The following LUZP2 variants were observed in gnomAD, a reference collection of about 807,000 sequenced individuals.
LUZP2 encodes leucine zipper protein 2.
LUZP2 carries 52 observed loss-of-function variants against 51.6 expected under a neutral mutation model. The ratio of observed to expected loss-of-function variants is 1.01; its 90% CI spans 0.81 to 1.27. LUZP2 has a LOEUF of 1.27. Among genes scored for constraint, LUZP2 ranks in the 50% most tolerant of loss-of-function variants. LUZP2 has a pLI of 0.00. For synonymous variants in LUZP2, 154 were observed against 137.3 expected (o/e 1.12, Z -0.85); for missense variants, 436 against 395.4 (o/e 1.10, Z -0.87).
At chr11:24,948,236 G>T (rs914185601) in intron 7 of LUZP2, among the ~76,000 whole-genome samples, 3 of 150,112 alleles carry the variant, frequency 2.0e-5, no homozygotes, top group East Asian at 2.0e-4. Flanking sequence ...TTTGTTTATT[G>T]TACTTTTAAC....
At chr11:24,582,704 C>T (rs919436131) in intron 1 of LUZP2, among the ~76,000 whole-genome samples, 1 of 152,052 alleles carries the variant, frequency 6.6e-6, no homozygotes, top group Non-Finnish European at 1.5e-5. Flanking sequence ...TCACTCATCA[C>T]ATAGGTCTAG....
intron 5 of LUZP2, chr11:24,893,003 T>A (rs907776717): frequency 7.2e-5 from 11 of 152,330 alleles, no homozygotes; most frequent in Middle Eastern, 3.4e-3. Flanking sequence ...ATATTTATAA[T>A]TGTTTTTCCT....
Position 24,745,986 on chromosome 11 carries a change from T to C in LUZP2, c.333+7684T>C, listed in dbSNP as rs149124308. Among the ~76,000 whole-genome samples, 58 of 152,280 alleles carry C rather than the reference T, an allele frequency of 3.8e-4. No individual in the cohort carries two copies. The East Asian group carries it at 6.0e-3, about 16-fold the overall frequency. ...AGCTACTGTGCCCAGTCAGTTCTTA[T>C]CCATTCTGCAGTTCGGTATCTTTTA... On this transcript the variant is annotated intron_variant, in intron 4 of 11. Coordinates refer to ENST00000336930, the MANE Select transcript of LUZP2 (RefSeq NM_001009909.4).
At chr11:24,913,135 AT>A (rs958550272) in intron 6 of LUZP2, among the ~76,000 whole-genome samples, 2 of 152,098 alleles carry the variant, frequency 1.3e-5, no homozygotes, top group African/African-American at 2.4e-5. Flanking sequence ...AAAACATAGA[AT>A]TTTTTCATTA....
intron 1 of LUZP2, among the ~76,000 whole-genome samples, chr11:24,595,013 G>C (rs1179232306): frequency 1.3e-5 from 2 of 151,788 alleles, no homozygotes; most frequent in African/African-American, 4.8e-5. Flanking sequence ...GCCCATCTCG[G>C]CCTCCCAAAA....
chr11:24,983,079 G>A, intron 8 of LUZP2, 47 bp from the exon 9 acceptor site: 2 of 1,580,872 alleles, frequency 1.3e-6, no homozygotes, highest in Non-Finnish European at 1.7e-6. Flanking sequence ...GCAGATAATT[G>A]ATGAGCATAG....
chr11:24,643,988 A>C lies in LUZP2; in HGVS notation c.63-85181A>C, dbSNP rs76066488. 2.9e-4 allele frequency among the ~76,000 whole-genome samples: 44 copies of C among 152,266 alleles called. No individual in the cohort carries two copies. In the East Asian group the frequency reaches 6.6e-3, roughly 23 times the overall value. On this transcript the variant is annotated intron_variant, in intron 1 of 11. Coordinates refer to ENST00000336930, the MANE Select transcript of LUZP2 (RefSeq NM_001009909.4). ...ACTTGAGAGCCACACAGAACAAATT[A>C]TATTCTCTCTTTCACATGATACCGC...
In LUZP2 at chr11:25,077,191, C is replaced by T. The variant is rs1276378941; in HGVS notation, c.859-138C>T. 8.9e-6 allele frequency: 6 copies of T among 673,060 alleles called. No homozygotes were observed. In the Admixed American group the frequency reaches 1.3e-4, roughly 14 times the overall value. 41.7% of individuals were successfully genotyped at this position (673,060 alleles called of 1,614,324 possible). A position where few individuals can be genotyped will look rare whatever the true frequency, so the allele number is the denominator to read the frequency against. Reference sequence around the variant, plus strand: ...CACTGCTGTGGTGATTATTTTTGTCCCTAGCTTTTGCCCTTTCAGTATGGA... The same window carrying T: ...CACTGCTGTGGTGATTATTTTTGTCTCTAGCTTTTGCCCTTTCAGTATGGA... On this transcript the variant is annotated intron_variant, in intron 10 of 11. Coordinates refer to ENST00000336930, the MANE Select transcript of LUZP2 (RefSeq NM_001009909.4).
intron 5 of LUZP2, among the ~76,000 whole-genome samples, chr11:24,846,972 C>T (rs1244076538): frequency 6.6e-6 from 1 of 151,396 alleles, no homozygotes; most frequent in Non-Finnish European, 1.5e-5. Context: ...TGTATATATA[C>T]ACTCATATAT....
intron 7 of LUZP2, among the ~76,000 whole-genome samples, chr11:24,959,321 A>G (rs892236463): frequency 6.6e-6 from 1 of 152,122 alleles, no homozygotes; most frequent in Non-Finnish European, 1.5e-5. Context: ...TGGGGATGGC[A>G]TTGAATCTAT....
At chr11:24,788,455 T>G (rs1849310689) in intron 5 of LUZP2, among the ~76,000 whole-genome samples, 1 of 152,014 alleles carries the variant, frequency 6.6e-6, no homozygotes, top group Admixed American at 6.6e-5. Context: ...CCCAAAGTGC[T>G]GGGATTACAG....
rs377080441 is a variant in LUZP2 at position 24,703,856 on chromosome 11, A to C, written c.63-25313A>C. Among the ~76,000 whole-genome samples, 9 of 46,364 alleles carry C rather than the reference A, an allele frequency of 1.9e-4. No homozygotes were observed. In the East Asian group the frequency reaches 3.9e-3, roughly 20 times the overall value. 30.4% of individuals were successfully genotyped at this position (46,364 alleles called of 152,430 possible). A position where few individuals can be genotyped will look rare whatever the true frequency, so the allele number is the denominator to read the frequency against. ...AACAAAAAACAAACAAACAAACAAA[A>C]AAAACGAACAAAAAAAAACAGAATT... On this transcript the variant is annotated intron_variant, in intron 1 of 11. Coordinates refer to ENST00000336930, the MANE Select transcript of LUZP2 (RefSeq NM_001009909.4).
chr11:25,068,647 C>T (rs1041729591), intron 10 of LUZP2, among the ~76,000 whole-genome samples: 2 of 151,976 alleles, frequency 1.3e-5, no homozygotes, highest in African/African-American at 4.8e-5. Context: ...GTTCATAAAT[C>T]TCTTTAGATT....
intron 4 of LUZP2, among the ~76,000 whole-genome samples, chr11:24,740,279 A>C (rs1006473579): frequency 6.6e-6 from 1 of 152,170 alleles, no homozygotes; most frequent in African/African-American, 2.4e-5. Flanking sequence ...AAACTGTCTG[A>C]GATCCGAAAA....
intron 4 of LUZP2, among the ~76,000 whole-genome samples, chr11:24,739,074 C>T (rs926949681): frequency 8.5e-5 from 13 of 152,076 alleles, no homozygotes; most frequent in Non-Finnish European, 1.2e-4. Flanking sequence ...CCACTGAAAA[C>T]ATAGCTTATT....
chr11:24,871,126 C>T (rs940729298), intron 5 of LUZP2, among the ~76,000 whole-genome samples: 1 of 151,760 alleles, frequency 6.6e-6, no homozygotes, highest in Non-Finnish European at 1.5e-5. Flanking sequence ...AGTTATTTTC[C>T]AAAATGTTTA....
chr11:24,993,867 G>A (rs1027690853), intron 9 of LUZP2, among the ~76,000 whole-genome samples: 2 of 151,514 alleles, frequency 1.3e-5, no homozygotes, highest in African/African-American at 2.4e-5. Flanking sequence ...TTTTTTTTGG[G>A]GGGGGTGTGG....
rs187538367 is a variant in LUZP2 at position 24,767,359 on chromosome 11, A to G, written c.396+4051A>G. On this transcript the variant is annotated intron_variant, in intron 5 of 11. Transcript: ENST00000336930. ...GAAGAGTTTATTTGAGCAAACAACA[A>G]TGCATAAATTGGGCTGTTCTGAACT... Among the ~76,000 whole-genome samples, 12 of 152,334 alleles carry G rather than the reference A, an allele frequency of 7.9e-5. No homozygotes were observed. In the East Asian group the frequency reaches 2.3e-3, roughly 29 times the overall value.
chr11:24,856,635 A>T (rs1851576210), intron 5 of LUZP2, among the ~76,000 whole-genome samples: 1 of 152,144 alleles, frequency 6.6e-6, no homozygotes, highest in Non-Finnish European at 1.5e-5. Flanking sequence ...TTGTATGTTT[A>T]TCACAGTACT....
Sources: allele counts gnomAD v4.1 joint callset (sites outside exome capture counted in the v4.1 genomes callset), GRCh38; gene constraint gnomAD v4.1.1; transcripts MANE v1.5; gene names NCBI Gene and HGNC (gene_info 2026-07-23, HGNC 2026-07-21).